ST13: variants seen among roughly 807,000 people sequenced by gnomAD.
ST13 encodes hsc70-interacting protein.
Under a neutral mutation model 56.7 loss-of-function variants are expected in ST13, and 23 were observed. The observed-to-expected ratio is 0.41, with a 90% CI of 0.29 to 0.57. ST13 has a LOEUF of 0.57. Ranked by LOEUF, ST13 falls within the 20% of genes least tolerant of loss-of-function variation. The pLI is 0.36. For missense variants in ST13, 369 were observed against 459.9 expected, an observed-to-expected ratio of 0.80 and a Z score of 1.81; for synonymous variants, 132 against 142.4, an observed-to-expected ratio of 0.93 and a Z score of 0.52.
At chr22:40,827,272 TTC>T (rs1320194903) in intron 10 of ST13, 43 bp from the exon 11 acceptor site, 2 of 1,602,050 alleles carry the variant, frequency 1.2e-6, no homozygotes, top group African/African-American at 1.3e-5. Flanking sequence ...CTCCCAAATA[TTC>T]TGACACAGTA....
chr22:40,839,236 T>G (rs2057791388), intron 5 of ST13, among the ~76,000 whole-genome samples: 1 of 152,184 alleles, frequency 6.6e-6, no homozygotes, highest in Non-Finnish European at 1.5e-5. Context: ...GTTTAAAATA[T>G]ATACTAACTC....
rs2057745026 is a variant in ST13 at position 40,829,662 on chromosome 22, T to C, written c.811A>G (p.Arg271Gly). 6.7e-7 allele frequency: 1 copy of C among 1,488,712 alleles called. No individual in the cohort carries two copies. Among genetic ancestry groups the C allele is most frequent in the Non-Finnish European group, 9.1e-7 (1 of 1,103,730 alleles). 92.2% of individuals were successfully genotyped at this position (1,488,712 alleles called of 1,614,324 possible). ...CCATACTGAGCTCCTGACTGTCGTC[T>C]GGCTTCTTCCTCCTTTGATACAAAA... ...HERAQREEEA[R>G]RQSGAQYGSF... Residue 271 changes from arginine (R) to glycine (G), a missense_variant, in exon 10 of 12, where the codon AGA becomes GGA. By Grantham distance (125) the Arg-to-Gly change is moderately radical. This residue lies in a region of ST13 where 136 missense variants were observed against 159.2 expected (regional missense o/e 0.85). Coordinates refer to ENST00000216218, the MANE Select transcript of ST13 (RefSeq NM_003932.5).
At position 40,826,576 on chromosome 22, in the gene ST13, T is replaced by C. The variant is rs1260833583; in HGVS notation, c.1072A>G (p.Ile358Val). The change falls in exon 12 of 12, where the codon ATC (isoleucine) becomes GTC (valine). Residue 358 changes from isoleucine (I) to valine (V), a missense_variant. By Grantham distance (29) the Ile-to-Val change is conservative (BLOSUM62 3). Transcript: ENST00000216218. ...YQSNPKVMNL[I>V]SKLSAKFGGQ... ...CCAAATTTGGCTGACAATTTACTGA[T>C]GAGATTCATAACCTTTGGGTTGCTC... The C allele has an allele frequency of 1.9e-6, 3 of 1,581,528 alleles. 1 individual carries two copies. Among genetic ancestry groups the C allele is most frequent in the Non-Finnish European group, 8.6e-7 (1 of 1,162,440 alleles).
intron 1 of ST13, among the ~76,000 whole-genome samples, chr22:40,855,875 G>GTT (rs1455107200): frequency 6.6e-6 from 1 of 152,134 alleles, no homozygotes; most frequent in African/African-American, 2.4e-5. Flanking sequence ...ACACTGCCAA[G>GTT]TAACGGAGGT....
chr22:40,832,643 G>A lies in ST13; in HGVS notation c.607C>T (p.His203Tyr), dbSNP rs1309459071. 1.2e-6 allele frequency: 2 copies of A among 1,601,722 alleles called. No homozygotes were observed. Among genetic ancestry groups the A allele is most frequent in the African/African-American group, 2.7e-5 (2 of 74,872 alleles). Residue 203 changes from histidine (H) to tyrosine (Y), a missense_variant, in exon 8 of 12, where the codon CAT becomes TAT. Around this residue, in one of 3 missense-constraint regions of ST13, gnomAD observed 64 missense variants for 125.1 expected, o/e 0.51. Transcript: ENST00000216218. ...AATTTACAGGCAAGGGCAAGATCAT[G>A]GGCTGCTTCTTCCCAGTGGCCTAGA... is the stretch of plus-strand genomic sequence containing the variant. ...RLLGHWEEAA[H>Y]DLALACKLDY...
chr22:40,835,612 C>T lies in ST13; in HGVS notation c.526G>A (p.Glu176Lys). Residue 176 changes from glutamate (E) to lysine (K), a missense_variant, in exon 7 of 12, where the codon GAA (glutamate) becomes AAA (lysine). Coordinates refer to ENST00000216218, the MANE Select transcript of ST13 (RefSeq NM_003932.5). The part of the protein sequence containing the change: ...AAIRDCDRAI[E>K]INPDSAQPYK... The stretch of plus-strand genomic sequence containing the variant: ...GGCTGAGCTGAATCAGGATTTATTT[C>T]AATGGCTCTGTCACAGTCTCGGATG... The T allele has an allele frequency of 6.2e-7, 1 of 1,613,442 alleles. No homozygotes were observed. The highest frequency in any genetic ancestry group is 8.5e-7 in the Non-Finnish European group (1 of 1,180,010).
chr22:40,829,182 C>T (rs920587204), intron 10 of ST13, among the ~76,000 whole-genome samples: 1 of 152,154 alleles, frequency 6.6e-6, no homozygotes, highest in Admixed American at 6.5e-5. Context: ...TATAAGCATA[C>T]GTAGCCTCTA....
At chr22:40,832,817 A>G (rs1183007895) in intron 7 of ST13, 146 bp from the exon 8 acceptor site, 2 of 620,248 alleles carry the variant, frequency 3.2e-6, no homozygotes, top group Non-Finnish European at 5.6e-6. Context: ...CAATTCAATT[A>G]CTATATCCCA....
intron 1 of ST13, among the ~76,000 whole-genome samples, chr22:40,855,336 C>G (rs888851161): frequency 6.6e-6 from 1 of 152,154 alleles, no homozygotes; most frequent in African/African-American, 2.4e-5. Flanking sequence ...GCACTGCTAG[C>G]CACCTGGGAG....
intron 7 of ST13, among the ~76,000 whole-genome samples, chr22:40,832,916 T>C (rs546351608): frequency 5.9e-5 from 9 of 152,252 alleles, no homozygotes; most frequent in Non-Finnish European, 8.8e-5. Flanking sequence ...ACAAACAAAA[T>C]CTTTCTTAAT....
chr22:40,828,087 AT>A (rs1448432177), intron 10 of ST13, among the ~76,000 whole-genome samples: 1 of 152,184 alleles, frequency 6.6e-6, no homozygotes, highest in Non-Finnish European at 1.5e-5. Flanking sequence ...TTGATTTTTC[AT>A]TTCCATTTCA....
intron 4 of ST13, among the ~76,000 whole-genome samples, chr22:40,843,922 G>C (rs564135864): frequency 2.7e-3 from 397 of 148,468 alleles, no homozygotes; most frequent in African/African-American, 9.7e-3. Context: ...TTGCTCTGTC[G>C]CTCAGGCTGG....
chr22:40,831,981 T>A (rs1458739603), intron 8 of ST13: 1 of 263,262 alleles, frequency 3.8e-6, no homozygotes, highest in Non-Finnish European at 7.7e-6. Context: ...GCCTCCCGAG[T>A]AGCTGGGACT....
intron 1 of ST13, among the ~76,000 whole-genome samples, chr22:40,851,751 T>C (rs2057862521): frequency 6.6e-6 from 1 of 150,930 alleles, no homozygotes; most frequent in South Asian, 2.1e-4. Context: ...AAGGGTTCTT[T>C]TTTTTTTTTT....
At position 40,856,533 on chromosome 22, in the gene ST13, G is replaced by A. The variant is rs779168822; in HGVS notation, c.8C>T (p.Pro3Leu). ...GGCCCGAAGCTCGTTCACTTTGCGGGGGTCCATGGTAGGGAGGTGGTGGGC... is the reference window on the plus strand; with the variant it reads ...GGCCCGAAGCTCGTTCACTTTGCGGAGGTCCATGGTAGGGAGGTGGTGGGC... Reference protein sequence around the residue: MDPRKVNELRAFV... With the variant: MDLRKVNELRAFV... Residue 3 changes from proline (P) to leucine (L), a missense_variant, in exon 1 of 12, where the codon CCC (proline) becomes CTC (leucine). Pro to Leu is a moderately conservative substitution (Grantham distance 98). This residue lies in a region of ST13 where 169 missense variants were observed against 175.6 expected (regional missense o/e 0.96). Coordinates refer to ENST00000216218, the MANE Select transcript of ST13 (RefSeq NM_003932.5). 1 of 1,612,268 alleles carries A rather than the reference G, an allele frequency of 6.2e-7. No homozygotes were observed. Among genetic ancestry groups the A allele is most frequent in the Non-Finnish European group, 8.5e-7 (1 of 1,179,680 alleles).
chr22:40,846,927 A>G (rs1300507164), intron 3 of ST13, among the ~76,000 whole-genome samples: 1 of 151,874 alleles, frequency 6.6e-6, no homozygotes, highest in Non-Finnish European at 1.5e-5. Context: ...CCCAGGAGGG[A>G]GAGGTTGCAG....
intron 5 of ST13, among the ~76,000 whole-genome samples, chr22:40,839,555 AG>A (rs1330702960): frequency 6.6e-6 from 1 of 151,832 alleles, no homozygotes; most frequent in African/African-American, 2.4e-5. Context: ...ACTCGAGGTC[AG>A]GAATTTGAGA....
chr22:40,849,763 C>A (rs371474091), intron 2 of ST13, among the ~76,000 whole-genome samples: 1 of 152,170 alleles, frequency 6.6e-6, no homozygotes, highest in African/African-American at 2.4e-5. Context: ...AAGGTAACTA[C>A]TTTTTGGGCT....
Position 40,848,367 on chromosome 22 carries a change from T to G in ST13, c.171A>C (p.Glu57Asp). Reference protein sequence around the residue: ...QKAKSEENTKEEKPDSKKVEE... With the variant: ...QKAKSEENTKDEKPDSKKVEE... ...CCACCTTCTTACTATCAGGTTTTTC[T>G]TCCTAGCAAAGGGAAGACAAACAGT... The change falls in exon 3 of 12, where the codon GAA becomes GAC. Residue 57 changes from glutamate (E) to aspartate (D), a missense_variant and splice_region_variant. Around this residue, in one of 3 missense-constraint regions of ST13, gnomAD observed 169 missense variants for 175.6 expected, o/e 0.96. Transcript: ENST00000216218. 1 of 1,609,000 alleles carries G rather than the reference T, an allele frequency of 6.2e-7. No individual in the cohort carries two copies.
Sources: allele counts gnomAD v4.1 joint callset (sites outside exome capture counted in the v4.1 genomes callset), GRCh38; gene constraint gnomAD v4.1.1; regional missense constraint gnomAD v4.1.1; transcripts MANE v1.5; gene names NCBI Gene and HGNC (gene_info 2026-07-23, HGNC 2026-07-21).